ATAD1: variants seen among roughly 807,000 people sequenced by gnomAD.
The protein encoded by ATAD1 is ATPase family AAA domain containing 1, also known as outer mitochondrial transmembrane helix translocase.
A neutral mutation model predicts 42.7 loss-of-function variants in ATAD1; 18 were observed. The observed-to-expected ratio is 0.42, with a 90% CI of 0.29 to 0.63. ATAD1 has a LOEUF of 0.63. ATAD1 is among the 20% of genes least tolerant of loss of function. The pLI is 0.19. For missense variants in ATAD1, 294 were observed against 440.4 expected (o/e 0.67, Z 2.98); for synonymous variants, 132 against 143.1 (o/e 0.92, Z 0.55).
intron 2 of ATAD1, among the ~76,000 whole-genome samples, chr10:87,793,283 G>C (rs897846238): frequency 6.6e-6 from 1 of 152,040 alleles, no homozygotes; most frequent in Non-Finnish European, 1.5e-5. Context: ...GTCCCTTTTA[G>C]GTAGAAGACA....
At chr10:87,779,709 C>T (rs1036685548) in intron 5 of ATAD1, among the ~76,000 whole-genome samples, 3 of 152,284 alleles carry the variant, frequency 2.0e-5, no homozygotes, top group African/African-American at 7.2e-5. Context: ...CAAATAAGCA[C>T]ATGAAACAAT....
chr10:87,764,949 T>A (rs774660995), intron 8 of ATAD1, among the ~76,000 whole-genome samples: 3 of 152,038 alleles, frequency 2.0e-5, no homozygotes, highest in Non-Finnish European at 2.9e-5. Flanking sequence ...ATACATGGTT[T>A]AAAAAAAGGC....
chr10:87,807,772 T>C (rs933257704), intron 2 of ATAD1, among the ~76,000 whole-genome samples: 2 of 152,156 alleles, frequency 1.3e-5, no homozygotes, highest in Admixed American at 6.5e-5. Context: ...CCCAACAAGG[T>C]AAGTGCTATT....
intron 8 of ATAD1, among the ~76,000 whole-genome samples, chr10:87,757,944 G>T (rs1226435703): frequency 6.6e-6 from 1 of 152,178 alleles, no homozygotes; most frequent in Non-Finnish European, 1.5e-5. Context: ...AGGGTTACAT[G>T]AAGATAAATC....
upstream of ATAD1, among the ~76,000 whole-genome samples, chr10:87,820,199 T>C (rs1344367913): frequency 1.3e-5 from 2 of 152,172 alleles, no homozygotes; most frequent in Non-Finnish European, 2.9e-5. Flanking sequence ...AATCATTGCT[T>C]GGGAGGCTCA....
At chr10:87,757,836 C>G (rs1854293704) in intron 8 of ATAD1, among the ~76,000 whole-genome samples, 1 of 152,148 alleles carries the variant, frequency 6.6e-6, no homozygotes, top group East Asian at 1.9e-4. Context: ...TTAGGAAGAA[C>G]AGCAACTCTA....
intron 5 of ATAD1, among the ~76,000 whole-genome samples, chr10:87,781,814 TG>T (rs1258697369): frequency 1.3e-5 from 2 of 152,130 alleles, no homozygotes; most frequent in African/African-American, 4.8e-5. Flanking sequence ...GGCTAATTTT[TG>T]TATTTTTTTT....
rs1248609070 is a variant in ATAD1, at chr10:87,763,442, C to T, written c.831+4231G>A. On this transcript the variant is annotated intron_variant, in intron 8 of 9. Transcript: ENST00000680024. Reference sequence around the variant, plus strand: ...GGGAGTCCAGGGCAGGAGGATACCTCGAGGTCAGGAGTTCAAAACCTGCCT... The same window carrying T: ...GGGAGTCCAGGGCAGGAGGATACCTTGAGGTCAGGAGTTCAAAACCTGCCT... 2.6e-5 allele frequency among the ~76,000 whole-genome samples: 4 copies of T among 152,240 alleles called. No homozygotes were observed. The East Asian group carries it at 5.8e-4, about 22-fold the overall frequency.
In ATAD1 at chr10:87,769,061, A is replaced by C. The variant is rs1042719845; in HGVS notation, c.781-1338T>G. 2.0e-5 allele frequency among the ~76,000 whole-genome samples: 3 copies of C among 152,072 alleles called. No homozygotes were observed. The East Asian group carries it at 5.8e-4, about 29-fold the overall frequency. On this transcript the variant is annotated intron_variant, in intron 7 of 9. Coordinates refer to ENST00000680024, the MANE Select transcript of ATAD1 (RefSeq NM_001321967.2). Reference sequence around the variant, plus strand: ...ATAATTGTACGGCTGACAGAGCAAGACTCTGTCTTTAAAAAAAGAATAAAA... The same window carrying C: ...ATAATTGTACGGCTGACAGAGCAAGCCTCTGTCTTTAAAAAAAGAATAAAA...
At chr10:87,829,413 G>C (rs1857789395) in intron 1 of ATAD1, among the ~76,000 whole-genome samples, 1 of 151,882 alleles carries the variant, frequency 6.6e-6, no homozygotes, top group Non-Finnish European at 1.5e-5. Flanking sequence ...GTGCCACGAT[G>C]CCCAGCTAAT....
chr10:87,756,031 C>T (rs368793908), intron 9 of ATAD1, among the ~76,000 whole-genome samples: 4 of 152,156 alleles, frequency 2.6e-5, no homozygotes, highest in African/African-American at 7.2e-5. Context: ...TATCAAAGCT[C>T]GCAAAACATT....
chr10:87,813,875 G>T (rs1857297462), intron 2 of ATAD1, among the ~76,000 whole-genome samples: 2 of 151,992 alleles, frequency 1.3e-5, no homozygotes, highest in South Asian at 4.1e-4. Flanking sequence ...AAATCTGTAA[G>T]ACTCCTTTAA....
At chr10:87,836,521 G>A (rs922132373) in intron 1 of ATAD1, among the ~76,000 whole-genome samples, 2 of 152,102 alleles carry the variant, frequency 1.3e-5, no homozygotes, top group Non-Finnish European at 1.5e-5. Flanking sequence ...TCTAGCCTCC[G>A]TGGTTTCTGA....
At chr10:87,755,490 CA>C (rs1854177828) in intron 9 of ATAD1, among the ~76,000 whole-genome samples, 1 of 152,132 alleles carries the variant, frequency 6.6e-6, no homozygotes, top group Non-Finnish European at 1.5e-5. Context: ...CCAGACTTTT[CA>C]TACTGAAATA....
At chr10:87,838,316 C>G (rs1386947974) in intron 1 of ATAD1, among the ~76,000 whole-genome samples, 3 of 152,056 alleles carry the variant, frequency 2.0e-5, no homozygotes. Context: ...CACCTGAGGT[C>G]AGGAGTTCAA....
chr10:87,761,005 A>G (rs904802082), intron 8 of ATAD1, among the ~76,000 whole-genome samples: 1 of 152,178 alleles, frequency 6.6e-6, no homozygotes, highest in South Asian at 2.1e-4. Context: ...AGAACACAGT[A>G]TCATTTCAAA....
At chr10:87,809,340 T>C (rs572554966) in intron 2 of ATAD1, among the ~76,000 whole-genome samples, 1 of 152,146 alleles carries the variant, frequency 6.6e-6, no homozygotes, top group Admixed American at 6.5e-5. Context: ...ATTCTTGCAA[T>C]AAAGTAACCT....
chr10:87,811,592 C>A (rs1490972452), intron 2 of ATAD1, among the ~76,000 whole-genome samples: 1 of 152,106 alleles, frequency 6.6e-6, no homozygotes, highest in African/African-American at 2.4e-5. Flanking sequence ...ATTACAGTGA[C>A]AATTACATTA....
rs760004064 is a variant in ATAD1 at position 87,814,575 on chromosome 10, G to A, written c.25C>T (p.Arg9Cys). 3.1e-6 allele frequency: 5 copies of A among 1,610,144 alleles called. No homozygotes were observed. Among genetic ancestry groups the A allele is most frequent in the African/African-American group, 1.3e-5 (1 of 74,722 alleles). The change falls in exon 2 of 10, where the codon CGT (arginine) becomes TGT (cysteine). Residue 9 changes from arginine (R) to cysteine (C), a missense_variant. By Grantham distance (180) the Arg-to-Cys change is radical. Transcript: ENST00000680024. Reference sequence around the variant, plus strand: ...ACAACTTCATTCCGACTCAAAGGACGAGAAAAGGCTTCAGCATGTACCATC... The same window carrying A: ...ACAACTTCATTCCGACTCAAAGGACAAGAAAAGGCTTCAGCATGTACCATC... MVHAEAFSRPLSRNEVVGL... is the reference protein window; with the variant it reads MVHAEAFSCPLSRNEVVGL...
Sources: allele counts gnomAD v4.1 joint callset (sites outside exome capture counted in the v4.1 genomes callset), GRCh38; gene constraint gnomAD v4.1.1; transcripts MANE v1.5; gene names NCBI Gene and HGNC (gene_info 2026-07-23, HGNC 2026-07-21).